PTPRN2: variants seen among roughly 807,000 people sequenced by gnomAD.
PTPRN2 encodes the protein protein tyrosine phosphatase receptor type N2, also known as receptor-type tyrosine-protein phosphatase N2.
Under a neutral mutation model 118.8 loss-of-function variants are expected in PTPRN2, and 74 were observed. The observed-to-expected ratio is 0.62, with a 90% CI of 0.52 to 0.76. The LOEUF (loss-of-function observed/expected upper bound fraction) is 0.76, where lower values mean the gene tolerates loss of function less well. Among genes scored for constraint, PTPRN2 ranks in the 30% least tolerant of loss-of-function variants. The pLI, the probability that PTPRN2 is intolerant of heterozygous loss-of-function variation, is 0.00. For missense variants in PTPRN2, 1,481 were observed against 1,394.4 expected (o/e 1.06, Z -0.99); for synonymous variants, 641 against 608.0 (o/e 1.05, Z -0.80).
At chr7:158,102,979 G>A (rs1815366474) in intron 10 of PTPRN2, among the ~76,000 whole-genome samples, 1 of 152,220 alleles carries the variant, frequency 6.6e-6, no homozygotes, top group East Asian at 1.9e-4. Context: ...TGACGGGACA[G>A]GAGCTGGGGC....
intron 5 of PTPRN2, among the ~76,000 whole-genome samples, chr7:158,173,933 G>A (rs1823946006): frequency 6.6e-6 from 1 of 152,152 alleles, no homozygotes. Context: ...TTTTCAGGGT[G>A]CCCTGATTTC....
intron 3 of PTPRN2, among the ~76,000 whole-genome samples, chr7:158,287,026 T>C (rs1446677310): frequency 1.3e-5 from 2 of 151,902 alleles, no homozygotes; most frequent in Non-Finnish European, 2.9e-5. Context: ...ATCTCCATAT[T>C]TGTTATTGGT....
rs369758274 is a variant in PTPRN2, at chr7:158,085,348, C to T, written c.1644-3971G>A. Among the ~76,000 whole-genome samples, 10 of 111,724 alleles carry T rather than the reference C, an allele frequency of 9.0e-5. No individual in the cohort carries two copies. The East Asian group carries it at 1.3e-3, about 14-fold the overall frequency. The allele number at this position is 111,724 out of a possible 152,430, so 73.3% of individuals were successfully genotyped here. ...CACACATGCCCATCCACACCCATGACGCCCATCCACACCCACGACGCCCAT... is the reference window on the plus strand; with the variant it reads ...CACACATGCCCATCCACACCCATGATGCCCATCCACACCCACGACGCCCAT... On this transcript the variant is annotated intron_variant, in intron 10 of 22. Transcript: ENST00000389418.
At chr7:157,543,588 G>C (rs1038163703) in intron 22 of PTPRN2, among the ~76,000 whole-genome samples, 2 of 152,398 alleles carry the variant, frequency 1.3e-5, no homozygotes, top group Admixed American at 1.3e-4. Flanking sequence ...GGAAGCCGTG[G>C]AGCTTTGTGG....
chr7:158,050,293 T>G (rs1195588616), intron 11 of PTPRN2, among the ~76,000 whole-genome samples: 9 of 152,252 alleles, frequency 5.9e-5, no homozygotes, highest in Non-Finnish European at 1.2e-4. Flanking sequence ...TTAGAATCAA[T>G]GAAAAACTTA....
intron 2 of PTPRN2, among the ~76,000 whole-genome samples, chr7:158,348,077 GC>G (rs1271721351): frequency 4.6e-5 from 7 of 152,068 alleles, no homozygotes; most frequent in African/African-American, 1.7e-4. Flanking sequence ...CCAAACCACG[GC>G]CCCCTCCTAC....
At chr7:157,726,541 C>G (rs62476394) in intron 12 of PTPRN2, among the ~76,000 whole-genome samples, 25,832 of 152,276 alleles carry the variant, frequency 0.17, 2,782 homozygotes, top group Non-Finnish European at 0.25. Flanking sequence ...GAACTCAGAG[C>G]TAAATGTGAG....
intron 3 of PTPRN2, among the ~76,000 whole-genome samples, chr7:158,217,485 T>C (rs1226010421): frequency 6.6e-6 from 1 of 152,178 alleles, no homozygotes; most frequent in African/African-American, 2.4e-5. Context: ...TTCAAAAGGA[T>C]AAAAGAACAT....
chr7:158,202,148 A>G lies in PTPRN2; in HGVS notation c.380+3023T>C, dbSNP rs141358746. Among the ~76,000 whole-genome samples, 230 of 152,332 alleles carry G rather than the reference A, an allele frequency of 1.5e-3. 2 individuals are homozygous for G. Among genetic ancestry groups the G allele is most frequent in the African/African-American group, 5.5e-3 (227 of 41,586 alleles). ...ACCAATAATCGTGGAAGACAATGAA[A>G]ATACTCTATAAATGAAGAACATTCC... On this transcript the variant is annotated intron_variant, in intron 4 of 22. Transcript: ENST00000389418.
At chr7:157,643,520 G>A (rs55888318) in intron 14 of PTPRN2, among the ~76,000 whole-genome samples, 12,844 of 152,260 alleles carry the variant, frequency 0.084, 955 homozygotes, top group African/African-American at 0.2. Context: ...GGGCTGCAGG[G>A]GAAGGCCGTG....
chr7:158,071,447 G>T (rs1281077234), intron 11 of PTPRN2, among the ~76,000 whole-genome samples: 1 of 60,566 alleles, frequency 1.7e-5, no homozygotes, highest in African/African-American at 6.8e-5. Flanking sequence ...TGGTGGAGGT[G>T]CTCGTGGTTG....
At chr7:158,416,698 G>C (rs527306596) in intron 2 of PTPRN2, among the ~76,000 whole-genome samples, 2 of 152,234 alleles carry the variant, frequency 1.3e-5, no homozygotes, top group Non-Finnish European at 2.9e-5. Context: ...GAAACAGACA[G>C]CCTGCTGGGA....
intron 4 of PTPRN2, 104 bp from the exon 5 acceptor site, chr7:158,192,599 G>T: frequency 7.6e-7 from 1 of 1,316,158 alleles, no homozygotes; most frequent in Admixed American, 2.8e-5. Context: ...TGGGAGCCGG[G>T]CTCTCGGTGG....
At chr7:158,260,378 G>C (rs1356059449) in intron 3 of PTPRN2, among the ~76,000 whole-genome samples, 1 of 152,178 alleles carries the variant, frequency 6.6e-6, no homozygotes, top group Non-Finnish European at 1.5e-5. Context: ...GGGGAAATAA[G>C]ACTTTATACA....
At position 157,874,118 on chromosome 7, in the gene PTPRN2, C is replaced by T. The variant is rs1389287209; in HGVS notation, c.1788+24555G>A. Reference sequence around the variant, plus strand: ...AGACCAGGCCTTCTGCAACGATTCTCTGGCCTCTCTGCTGCTCTGCCTAGC... The same window carrying T: ...AGACCAGGCCTTCTGCAACGATTCTTTGGCCTCTCTGCTGCTCTGCCTAGC... On this transcript the variant is annotated intron_variant, in intron 12 of 22. Coordinates refer to ENST00000389418, the MANE Select transcript of PTPRN2 (RefSeq NM_002847.5). The surrounding 1 kb of genome is among the most constrained non-coding windows in gnomAD (Gnocchi z 5.8). 6.6e-6 allele frequency among the ~76,000 whole-genome samples: 1 copy of T among 152,220 alleles called. No individual in the cohort carries two copies. Among genetic ancestry groups the T allele is most frequent in the African/African-American group, 2.4e-5 (1 of 41,460 alleles).
At chr7:157,728,857 C>T (rs1357318685) in intron 12 of PTPRN2, among the ~76,000 whole-genome samples, 1 of 152,220 alleles carries the variant, frequency 6.6e-6, no homozygotes, top group African/African-American at 2.4e-5. Flanking sequence ...TCCATGAGCC[C>T]CACTGAGCCC....
rs145664987 is a variant in PTPRN2 at position 158,361,179 on chromosome 7, T to C, written c.164-44247A>G. Among the ~76,000 whole-genome samples, 4 of 6,086 alleles carry C rather than the reference T, an allele frequency of 6.6e-4. 1 individual carries two copies. Among genetic ancestry groups the C allele is most frequent in the Non-Finnish European group, 1.3e-3 (4 of 3,012 alleles). 4.0% of individuals were successfully genotyped at this position (6,086 alleles called of 152,430 possible). ...ACCCTGCATCCACCCTCACCCAGGA[T>C]GATGCGCAGACCCCACACCCTGGCA... On this transcript the variant is annotated intron_variant, in intron 2 of 22. Coordinates refer to ENST00000389418, the MANE Select transcript of PTPRN2 (RefSeq NM_002847.5).
At chr7:157,909,936 G>A (rs1185150534) in intron 11 of PTPRN2, among the ~76,000 whole-genome samples, 1 of 152,202 alleles carries the variant, frequency 6.6e-6, no homozygotes, top group Non-Finnish European at 1.5e-5. Flanking sequence ...ACTCCCTAGT[G>A]GCAGCGTTAA....
At chr7:158,417,129 T>C (rs1259523367) in intron 2 of PTPRN2, among the ~76,000 whole-genome samples, 1 of 151,950 alleles carries the variant, frequency 6.6e-6, no homozygotes. Context: ...ATGCCGTAGC[T>C]CTCAGTGTCC....
Sources: gnomAD v4.1 joint callset for allele counts (sites outside exome capture counted in the v4.1 genomes callset) on GRCh38, gnomAD v4.1.1 for gene constraint, Gnocchi (gnomAD v3.1) non-coding constraint, MANE v1.5 for transcripts, NCBI Gene and HGNC (gene_info 2026-07-23, HGNC 2026-07-21) for gene names.